Variants in FNBP1L observed in about 807,000 individuals in gnomAD.
The protein encoded by FNBP1L is formin binding protein 1 like.
FNBP1L carries 36 observed loss-of-function variants against 91.2 expected under a neutral mutation model. That is an observed-to-expected ratio of 0.39 (90% confidence interval 0.30 to 0.52). The LOEUF is 0.52. FNBP1L is among the 20% of genes least tolerant of loss of function. The pLI, the probability that FNBP1L is intolerant of heterozygous loss-of-function variation, is 0.66. For missense variants in FNBP1L, 571 were observed against 732.1 expected (o/e 0.78, Z 2.54); for synonymous variants, 242 against 237.0 (o/e 1.02, Z -0.19).
At chr1:93,549,719 A>G (rs567264698) in intron 15 of FNBP1L, among the ~76,000 whole-genome samples, 2 of 152,344 alleles carry the variant, frequency 1.3e-5, no homozygotes, top group African/African-American at 4.8e-5. Flanking sequence ...TACTGTGCAC[A>G]TGTCCTAAAC....
At chr1:93,462,245 A>G (rs528406138) in intron 1 of FNBP1L, among the ~76,000 whole-genome samples, 114 of 152,332 alleles carry the variant, frequency 7.5e-4, no homozygotes, top group South Asian at 4.3e-3. Flanking sequence ...AAATTTGTCT[A>G]CAGAGAATAA....
At chr1:93,543,073 C>T (rs370812913) in intron 11 of FNBP1L, among the ~76,000 whole-genome samples, 12 of 152,054 alleles carry the variant, frequency 7.9e-5, no homozygotes, top group African/African-American at 2.2e-4. Flanking sequence ...GGATTACAGG[C>T]GTGAGCCACT....
At chr1:93,481,994 C>A (rs1050201576) in intron 1 of FNBP1L, among the ~76,000 whole-genome samples, 7 of 151,952 alleles carry the variant, frequency 4.6e-5, no homozygotes, top group African/African-American at 1.7e-4. Flanking sequence ...ACCCCATCTC[C>A]ACTAAAAATG....
intron 2 of FNBP1L, among the ~76,000 whole-genome samples, chr1:93,518,516 A>G (rs2101747040): frequency 6.6e-6 from 1 of 152,354 alleles, no homozygotes; most frequent in African/African-American, 2.4e-5. Context: ...GAGAAAGTGT[A>G]GGATGATTGT....
At chr1:93,541,662 A>G (rs1306746549) in intron 11 of FNBP1L, among the ~76,000 whole-genome samples, 2 of 152,048 alleles carry the variant, frequency 1.3e-5, no homozygotes, top group Non-Finnish European at 2.9e-5. Context: ...AAATTAATGG[A>G]TCTACATTAG....
chr1:93,527,867 C>T (rs1671543139), intron 5 of FNBP1L, among the ~76,000 whole-genome samples: 1 of 151,894 alleles, frequency 6.6e-6, no homozygotes, highest in African/African-American at 2.4e-5. Flanking sequence ...AAGGAAAATA[C>T]TTACAGCTGT....
intron 3 of FNBP1L, 50 bp downstream of exon 3, chr1:93,522,185 T>G (rs1272939755): frequency 2.3e-6 from 2 of 877,656 alleles, no homozygotes; most frequent in East Asian, 6.8e-5. Context: ...TTAAAAATAC[T>G]TATATTTTTA....
intron 1 of FNBP1L, among the ~76,000 whole-genome samples, chr1:93,461,057 G>A (rs1668842744): frequency 6.6e-6 from 1 of 151,982 alleles, no homozygotes; most frequent in Admixed American, 6.6e-5. Context: ...TGTCTTTCAT[G>A]TTAGAGGCTT....
chr1:93,487,416 C>T (rs765775663), intron 1 of FNBP1L, among the ~76,000 whole-genome samples: 2 of 152,184 alleles, frequency 1.3e-5, no homozygotes, highest in East Asian at 1.9e-4. Context: ...TCAACTCTTA[C>T]AGTCTGAAAT....
At position 93,466,922 on chromosome 1, in the gene FNBP1L, A is replaced by G. The variant is rs111498856; in HGVS notation, c.24+18617A>G. Among the ~76,000 whole-genome samples, 393 of 152,186 alleles carry G rather than the reference A, an allele frequency of 2.6e-3. 3 individuals carry two copies. The highest frequency in any genetic ancestry group is 5.9e-3 in the Admixed American group (90 of 15,288). Reference sequence around the variant, plus strand: ...GCCCAGACTGCAATGCAGTGGTGCAATCTTGCTCACTGTAACCTCCGCCTC... The same window carrying G: ...GCCCAGACTGCAATGCAGTGGTGCAGTCTTGCTCACTGTAACCTCCGCCTC... On this transcript the variant is annotated intron_variant, in intron 1 of 16. Transcript: ENST00000271234.
chr1:93,451,956 A>G (rs1004456957), intron 1 of FNBP1L, among the ~76,000 whole-genome samples: 36 of 152,284 alleles, frequency 2.4e-4, no homozygotes, highest in African/African-American at 8.7e-4. Context: ...GGTCTTCATC[A>G]TATTATTAAC....
chr1:93,456,924 C>T (rs1269147561), intron 1 of FNBP1L, among the ~76,000 whole-genome samples: 5 of 152,140 alleles, frequency 3.3e-5, no homozygotes, highest in African/African-American at 4.8e-5. Context: ...GTCTCACTTC[C>T]ATAGCCCAGG....
In FNBP1L at chr1:93,554,605, G is replaced by C. The variant is rs1418319538; in HGVS notation, c.*2189G>C. On this transcript the variant is annotated 3_prime_UTR_variant, in exon 17 of 17. Transcript: ENST00000271234. The stretch of plus-strand genomic sequence containing the variant: ...ATGGTAAATCCTTCATTTAAAGATA[G>C]TGTTCTCTGTTGAGAATATTTACAT... 1 of 152,516 alleles carries C rather than the reference G, an allele frequency of 6.6e-6. No individual in the cohort carries two copies. The highest frequency in any genetic ancestry group is 1.9e-4 in the East Asian group (1 of 5,194). The allele number at this position is 152,516 out of a possible 1,614,324, so 9.4% of individuals were successfully genotyped here.
chr1:93,486,500 C>G (rs908400311), intron 1 of FNBP1L, among the ~76,000 whole-genome samples: 3 of 151,534 alleles, frequency 2.0e-5, no homozygotes, highest in East Asian at 3.9e-4. Flanking sequence ...CATACATTCT[C>G]ATTTGACCCT....
intron 1 of FNBP1L, among the ~76,000 whole-genome samples, chr1:93,479,852 ACAAT>A (rs1343218892): frequency 6.6e-6 from 1 of 152,130 alleles, no homozygotes; most frequent in African/African-American, 2.4e-5. Context: ...CACACGTTTT[ACAAT>A]CAGTTTGTAC....
chr1:93,497,427 A>G (rs1670302731), intron 1 of FNBP1L, among the ~76,000 whole-genome samples: 1 of 152,092 alleles, frequency 6.6e-6, no homozygotes, highest in South Asian at 2.1e-4. Context: ...GCAACAGTAA[A>G]TTTTTTGCAT....
At chr1:93,457,522 CA>C (rs1224175415) in intron 1 of FNBP1L, among the ~76,000 whole-genome samples, 5 of 152,074 alleles carry the variant, frequency 3.3e-5, no homozygotes, top group African/African-American at 1.2e-4. Context: ...GCTAGACTAG[CA>C]AAACAGTGAT....
At chr1:93,551,523 G>A in intron 16 of FNBP1L, 3 of 986,022 alleles carry the variant, frequency 3.0e-6, no homozygotes, top group Non-Finnish European at 3.6e-6. Context: ...AAATGCTATG[G>A]AAAGCCGACT....
At chr1:93,546,719 C>A in intron 12 of FNBP1L, 123 bp from the exon 13 acceptor site, 1 of 1,020,934 alleles carries the variant, frequency 9.8e-7, no homozygotes, top group Non-Finnish European at 1.4e-6. Flanking sequence ...GTTAGACAAA[C>A]TTAAAAAGAT....
Sources: gnomAD v4.1 joint callset for allele counts (sites outside exome capture counted in the v4.1 genomes callset) on GRCh38, gnomAD v4.1.1 for gene constraint, MANE v1.5 for transcripts, NCBI Gene and HGNC (gene_info 2026-07-23, HGNC 2026-07-21) for gene names.